PCDHGA8: variants seen among roughly 807,000 people sequenced by gnomAD.
The protein encoded by PCDHGA8 is protocadherin gamma-A8.
In PCDHGA8, 45 loss-of-function variants were observed where a neutral mutation model predicts 59.2. The ratio of observed to expected loss-of-function variants is 0.76; its 90% CI spans 0.60 to 0.98. The LOEUF is 0.98. Ranked by LOEUF, PCDHGA8 falls within the 50% of genes least tolerant of loss-of-function variation. The pLI is 0.00. For missense variants in PCDHGA8, 1,257 were observed against 1,196.2 expected, an observed-to-expected ratio of 1.05 and a Z score of -0.75; for synonymous variants, 531 against 519.0, an observed-to-expected ratio of 1.02 and a Z score of -0.32.
At chr5:141,399,454 G>A in intron 1 of PCDHGA8, 1 of 1,613,992 alleles carries the variant, frequency 6.2e-7, no homozygotes. Flanking sequence ...AGACGTCAAC[G>A]ATAACGCTCC....
chr5:141,500,367 C>A (rs953610460), intron 2 of PCDHGA8, among the ~76,000 whole-genome samples: 7 of 151,940 alleles, frequency 4.6e-5, no homozygotes, highest in African/African-American at 1.7e-4. Context: ...CACTACCACG[C>A]CCGGCTAATT....
At chr5:141,410,722 ATCC>A (rs2154543211) in intron 1 of PCDHGA8, 21 of 1,396,054 alleles carry the variant, frequency 1.5e-5, no homozygotes, top group Non-Finnish European at 2.0e-5. Context: ...TATGTTTAAA[ATCC>A]ATAGCTTTTT....
intron 1 of PCDHGA8, chr5:141,428,599 A>G (rs1324155257): frequency 8.9e-6 from 2 of 223,902 alleles, no homozygotes; most frequent in Non-Finnish European, 1.8e-5. Context: ...AGCAAGCTTC[A>G]CTGAAGAGAA....
chr5:141,468,230 TAGG>T (rs1451844939), intron 1 of PCDHGA8, among the ~76,000 whole-genome samples: 9 of 141,220 alleles, frequency 6.4e-5, no homozygotes, highest in South Asian at 2.2e-4. Context: ...GAGGATGAGG[TAGG>T]AGAATTGCCT....
chr5:141,397,245 G>A (rs2093494919), intron 1 of PCDHGA8, among the ~76,000 whole-genome samples: 1 of 152,148 alleles, frequency 6.6e-6, no homozygotes, highest in African/African-American at 2.4e-5. Flanking sequence ...CAACGTAGTA[G>A]GGTATATCAT....
Position 141,487,548 on chromosome 5 carries a change from G to T in PCDHGA8, c.2425-7259G>T. The T allele has an allele frequency of 6.2e-7, 1 of 1,614,190 alleles. No homozygotes were observed. Among genetic ancestry groups the T allele is most frequent in the Non-Finnish European group, 8.5e-7 (1 of 1,180,038 alleles). ...AGCTTCATGATGGTGAAGTCACCCA[G>T]TGCACCTATGGCAGGGGAGCCTGTT... is the stretch of plus-strand genomic sequence containing the variant. On this transcript the variant is annotated intron_variant, in intron 1 of 3. Coordinates refer to ENST00000398604, the MANE Select transcript of PCDHGA8 (RefSeq NM_032088.2). The surrounding 1 kb of genome is among the most constrained non-coding windows in gnomAD (Gnocchi z 5.0).
At chr5:141,407,910 G>A in intron 1 of PCDHGA8, 1 of 428,786 alleles carries the variant, frequency 2.3e-6, no homozygotes, top group Non-Finnish European at 4.1e-6. Flanking sequence ...GAAAAACCGG[G>A]CTGCTGTCCC....
rs1446853595 is a variant in PCDHGA8, at chr5:141,491,363, C to T, written c.2425-3444C>T. ...ACCGTCAGTCTCTTATCCCTAGTCA[C>T]CTTCACCTTTCTGTCAGCGAAGTGC... On this transcript the variant is annotated intron_variant, in intron 1 of 3. Coordinates refer to ENST00000398604, the MANE Select transcript of PCDHGA8 (RefSeq NM_032088.2). This position sits in a 1 kb window ranked among gnomAD's most constrained non-coding sequence, Gnocchi z 6.9. The T allele has an allele frequency of 6.2e-7, 1 of 1,614,182 alleles. No individual in the cohort carries two copies. Among genetic ancestry groups the T allele is most frequent in the South Asian group, 1.1e-5 (1 of 91,082 alleles).
chr5:141,423,082 G>T (rs1390567548), intron 1 of PCDHGA8: 3 of 1,614,078 alleles, frequency 1.9e-6, no homozygotes, highest in Non-Finnish European at 2.5e-6. Context: ...GGGACTCTTC[G>T]CGGTGGGGGA....
Position 141,394,314 on chromosome 5 carries a change from CT to C in PCDHGA8, c.1502del (p.Leu501ArgfsTer32), listed in dbSNP as rs772070804. On this transcript the variant is annotated frameshift_variant, in exon 1 of 4. Transcript: ENST00000398604. LOFTEE classifies it high-confidence loss of function. ...VTEDTLQGAP[L>X]SSYISINSDT... ...CGAGGACACGCTGCAGGGGGCGCCC[CT>C]GTCCTCGTATATCTCCATCAACTCT... 4.3e-6 allele frequency: 7 copies of C among 1,614,038 alleles called. 1 individual carries two copies. Among genetic ancestry groups the C allele is most frequent in the East Asian group, 4.5e-5 (2 of 44,882 alleles).
intron 2 of PCDHGA8, among the ~76,000 whole-genome samples, chr5:141,497,980 G>A (rs983045402): frequency 2.0e-5 from 3 of 152,168 alleles, no homozygotes; most frequent in African/African-American, 7.2e-5. Context: ...GATGTGGGAG[G>A]CCCCTGCCCT....
intron 1 of PCDHGA8, chr5:141,422,758 A>AAC (rs748292321): frequency 6.2e-7 from 1 of 1,613,150 alleles, no homozygotes. Flanking sequence ...TATTAACTCC[A>AAC]ACACTGGTGT....
intron 1 of PCDHGA8, among the ~76,000 whole-genome samples, chr5:141,492,808 A>C (rs1261752522): frequency 6.6e-6 from 1 of 152,252 alleles, no homozygotes; most frequent in African/African-American, 2.4e-5. Flanking sequence ...CTGGGACTCC[A>C]GTGGCACCAG....
chr5:141,420,186 C>A, intron 1 of PCDHGA8: 1 of 1,613,696 alleles, frequency 6.2e-7, no homozygotes, highest in Non-Finnish European at 8.5e-7. Context: ...CATTGTCCAG[C>A]CACACAAGAT....
chr5:141,486,405 G>A lies in PCDHGA8; in HGVS notation c.2425-8402G>A. 6.2e-7 allele frequency: 1 copy of A among 1,614,114 alleles called. No homozygotes were observed. The highest frequency in any genetic ancestry group is 2.2e-5 in the East Asian group (1 of 44,862). On this transcript the variant is annotated intron_variant, in intron 1 of 3. Transcript: ENST00000398604. The surrounding 1 kb of genome is among the most constrained non-coding windows in gnomAD (Gnocchi z 5.0). ...AACCAGTTCTCCCTGGTGACTGCTG[G>A]ACCCTTGGATCGAGAGGCCAAATCT...
intron 1 of PCDHGA8, chr5:141,410,849 CTTTTTTTTTTTTTT>C (rs759346998): frequency 7.7e-6 from 1 of 129,786 alleles, no homozygotes; most frequent in African/African-American, 6.0e-5. Context: ...TTGTCTTTGT[CTTTTTTTTTTTTTT>C]TTTTTTTTGA....
chr5:141,453,669 G>T (rs1390396079), intron 1 of PCDHGA8, among the ~76,000 whole-genome samples: 1 of 152,034 alleles, frequency 6.6e-6, no homozygotes, highest in Non-Finnish European at 1.5e-5. Context: ...TTACACAAAA[G>T]GTAACACACT....
chr5:141,415,041 G>T, intron 1 of PCDHGA8: 1 of 1,613,530 alleles, frequency 6.2e-7, no homozygotes, highest in Non-Finnish European at 8.5e-7. Flanking sequence ...GACTCTTCGC[G>T]GTGGGGGAGC....
intron 1 of PCDHGA8, among the ~76,000 whole-genome samples, chr5:141,480,866 G>A (rs1329444129): frequency 6.6e-6 from 1 of 152,142 alleles, no homozygotes; most frequent in Non-Finnish European, 1.5e-5. Flanking sequence ...CCAATATGGT[G>A]AAACCCCGTC....
Sources: allele counts gnomAD v4.1 joint callset (sites outside exome capture counted in the v4.1 genomes callset), GRCh38; gene constraint gnomAD v4.1.1; non-coding constraint Gnocchi (gnomAD v3.1); transcripts MANE v1.5; gene names NCBI Gene and HGNC (gene_info 2026-07-23, HGNC 2026-07-21).